The following NR2C2 variants were observed in gnomAD, a reference collection of about 807,000 sequenced individuals.
The protein encoded by NR2C2 is nuclear receptor subfamily 2 group C member 2.
Under a neutral mutation model 62.9 loss-of-function variants are expected in NR2C2, and 6 were observed. That is an observed-to-expected ratio of 0.10 (90% CI 0.05 to 0.19). NR2C2 has a LOEUF of 0.19. Among genes scored for constraint, NR2C2 ranks in the 10% least tolerant of loss-of-function variants. The probability of loss-of-function intolerance (pLI) is 1.00; values close to 1 mark genes in which losing one functional copy is unlikely to be tolerated. For synonymous variants in NR2C2, 272 were observed against 273.8 expected (o/e 0.99, Z 0.07); for missense variants, 479 against 762.7 (o/e 0.63, Z 4.38).
chr3:15,005,596 T>A (rs1306786261), intron 2 of NR2C2, among the ~76,000 whole-genome samples: 1 of 148,250 alleles, frequency 6.7e-6, no homozygotes, highest in Non-Finnish European at 1.5e-5. Flanking sequence ...ACAGACAGGA[T>A]CATAGGGCAC....
At chr3:14,977,086 CTT>C (rs1309701299) in intron 1 of NR2C2, among the ~76,000 whole-genome samples, 1 of 152,108 alleles carries the variant, frequency 6.6e-6, no homozygotes, top group Non-Finnish European at 1.5e-5. Context: ...TTTCTAGTCT[CTT>C]TTCAGAACAA....
At chr3:15,018,317 T>C (rs1028513308) in intron 4 of NR2C2, among the ~76,000 whole-genome samples, 8 of 152,094 alleles carry the variant, frequency 5.3e-5, no homozygotes, top group Non-Finnish European at 1.2e-4. Context: ...TTTAATGTCA[T>C]TGATAATTAA....
intron 10 of NR2C2, among the ~76,000 whole-genome samples, chr3:15,033,587 T>C (rs1041477838): frequency 4.7e-5 from 7 of 150,368 alleles, no homozygotes; most frequent in Admixed American, 1.3e-4. Flanking sequence ...GTTAGCTCTT[T>C]GGGAGAATGG....
intron 13 of NR2C2, among the ~76,000 whole-genome samples, chr3:15,040,153 CCTT>C (rs1269296399): frequency 6.7e-6 from 1 of 150,178 alleles, no homozygotes; most frequent in East Asian, 1.9e-4. Context: ...GAGTGAGACT[CCTT>C]CTCAAAAAAC....
At chr3:14,949,020 G>C (rs1434043202) in intron 1 of NR2C2, among the ~76,000 whole-genome samples, 1 of 152,226 alleles carries the variant, frequency 6.6e-6, no homozygotes, top group Non-Finnish European at 1.5e-5. Context: ...GCCACCAGGA[G>C]AGGCAAGCGT....
chr3:14,971,540 G>C (rs2040040116), intron 1 of NR2C2, among the ~76,000 whole-genome samples: 1 of 151,682 alleles, frequency 6.6e-6, no homozygotes, highest in Non-Finnish European at 1.5e-5. Flanking sequence ...TTCTACATTT[G>C]ATTTTTGAGA....
intron 1 of NR2C2, among the ~76,000 whole-genome samples, chr3:14,973,472 A>G (rs1262609796): frequency 2.6e-5 from 4 of 152,116 alleles, no homozygotes; most frequent in African/African-American, 9.7e-5. Context: ...GGGCTCAAGC[A>G]GTTTTCCCAC....
intron 2 of NR2C2, among the ~76,000 whole-genome samples, chr3:15,010,835 C>G (rs1559290305): frequency 6.6e-6 from 1 of 152,138 alleles, no homozygotes; most frequent in Non-Finnish European, 1.5e-5. Flanking sequence ...CTTGCCATAC[C>G]TCAACCACAA....
chr3:14,954,305 A>G (rs1293497777), intron 1 of NR2C2, among the ~76,000 whole-genome samples: 1 of 150,946 alleles, frequency 6.6e-6, no homozygotes, highest in African/African-American at 2.4e-5. Flanking sequence ...TTTTCTAAAG[A>G]AATAAACAAT....
At chr3:14,990,239 C>G (rs1054227665) in intron 1 of NR2C2, among the ~76,000 whole-genome samples, 2 of 152,150 alleles carry the variant, frequency 1.3e-5, no homozygotes, top group Non-Finnish European at 2.9e-5. Flanking sequence ...GTTGGTTGGA[C>G]TCCATGGTAA....
intron 1 of NR2C2, among the ~76,000 whole-genome samples, chr3:14,987,345 A>G (rs761174281): frequency 6.6e-6 from 1 of 152,172 alleles, no homozygotes; most frequent in Non-Finnish European, 1.5e-5. Context: ...GGCCTCGCAG[A>G]GTGCTGGGAT....
intron 1 of NR2C2, among the ~76,000 whole-genome samples, chr3:14,953,259 C>T (rs1390516234): frequency 6.6e-6 from 1 of 152,202 alleles, no homozygotes; most frequent in African/African-American, 2.4e-5. Flanking sequence ...GTGAAACTTT[C>T]TATTCCATAA....
intron 1 of NR2C2, among the ~76,000 whole-genome samples, chr3:14,987,342 C>A (rs181435742): frequency 5.8e-4 from 89 of 152,268 alleles, no homozygotes; most frequent in Non-Finnish European, 1.0e-3. Context: ...CTTGGCCTCG[C>A]AGAGTGCTGG....
chr3:14,964,921 C>T (rs1398678776), intron 1 of NR2C2, among the ~76,000 whole-genome samples: 1 of 152,092 alleles, frequency 6.6e-6, no homozygotes, highest in Non-Finnish European at 1.5e-5. Flanking sequence ...GCTCAGGGCA[C>T]AAGGCAGAAA....
At chr3:15,037,324 G>T (rs2042133682) in intron 11 of NR2C2, among the ~76,000 whole-genome samples, 1 of 151,964 alleles carries the variant, frequency 6.6e-6, no homozygotes, top group African/African-American at 2.4e-5. Context: ...TCCTGCCTTG[G>T]CCTCCCGAAA....
chr3:14,961,035 C>A (rs769638417), intron 1 of NR2C2, among the ~76,000 whole-genome samples: 13 of 152,188 alleles, frequency 8.5e-5, no homozygotes, highest in Non-Finnish European at 1.6e-4. Context: ...CAGTTTCAGA[C>A]CTAATCATAT....
intron 2 of NR2C2, chr3:15,004,624 C>G (rs1202403875): frequency 1.2e-6 from 2 of 1,611,140 alleles, no homozygotes; most frequent in African/African-American, 1.3e-5. Context: ...GTAGGTGTAT[C>G]AAGCTTGAAG....
intron 2 of NR2C2, among the ~76,000 whole-genome samples, chr3:15,013,023 GA>G (rs1463017318): frequency 2.6e-5 from 4 of 152,182 alleles, no homozygotes; most frequent in Admixed American, 2.0e-4. Context: ...ATATAGCAGT[GA>G]ATCAGATGTA....
At chr3:14,993,792 G>T (rs1353940747) in intron 1 of NR2C2, among the ~76,000 whole-genome samples, 2 of 152,146 alleles carry the variant, frequency 1.3e-5, no homozygotes, top group African/African-American at 4.8e-5. Flanking sequence ...TGTGACCCAT[G>T]CCCCCTCTCA....
Sources: allele counts gnomAD v4.1 joint callset (sites outside exome capture counted in the v4.1 genomes callset), GRCh38; gene constraint gnomAD v4.1.1; transcripts MANE v1.5; gene names NCBI Gene and HGNC (gene_info 2026-07-23, HGNC 2026-07-21).